MYLK2: variants seen among roughly 807,000 people sequenced by gnomAD.
The protein encoded by MYLK2 is myosin light chain kinase 2, skeletal/cardiac muscle.
Under a neutral mutation model 58.2 loss-of-function variants are expected in MYLK2, and 27 were observed. The ratio of observed to expected loss-of-function variants is 0.46; its 90% CI spans 0.34 to 0.64. The LOEUF (loss-of-function observed/expected upper bound fraction) is 0.64, where lower values mean the gene tolerates loss of function less well. MYLK2 is among the 30% of genes least tolerant of loss of function. The pLI is 0.01. For missense variants in MYLK2, 676 were observed against 764.3 expected (o/e 0.88, Z 1.36); for synonymous variants, 310 against 296.7 (o/e 1.04, Z -0.46).
intron 4 of MYLK2, among the ~76,000 whole-genome samples, chr20:31,821,992 G>T (rs753538930): frequency 2.0e-5 from 3 of 152,210 alleles, no homozygotes; most frequent in Non-Finnish European, 4.4e-5. Flanking sequence ...AGCCTCAAGT[G>T]ATCCTCCCAC....
intron 3 of MYLK2, among the ~76,000 whole-genome samples, chr20:31,820,916 T>C (rs1761933189): frequency 1.3e-5 from 2 of 152,230 alleles, no homozygotes; most frequent in Admixed American, 6.5e-5. Flanking sequence ...GTGTATTTCC[T>C]AGGACATCCA....
At chr20:31,825,916 T>C (rs982870435) in intron 6 of MYLK2, among the ~76,000 whole-genome samples, 2 of 152,192 alleles carry the variant, frequency 1.3e-5, no homozygotes, top group Non-Finnish European at 2.9e-5. Flanking sequence ...TAATGGTGTC[T>C]TAAACTAGGA....
Position 31,820,427 on chromosome 20 carries a change from A to C in MYLK2, c.354A>C (p.Ser118=). The change falls in exon 3 of 13, where the codon TCA becomes TCC. Residue 118 remains serine (S), a synonymous_variant. Transcript: ENST00000375985. ...AGCCCAAGGCTGAGCAGGGAGCCTC[A>C]GGCAGCCAGGATCCTGGAAAGCCCA... ...VKKPKAEQGA[S]GSQDPGKPRV... The C allele has an allele frequency of 1.9e-6, 3 of 1,612,826 alleles. No individual in the cohort carries two copies. In the East Asian group the frequency reaches 6.7e-5, roughly 36 times the overall value.
In MYLK2 at chr20:31,824,371, T is replaced by C. The variant is rs747697105; in HGVS notation, c.972+19T>C. The C allele has an allele frequency of 3.4e-5, 54 of 1,600,684 alleles. No homozygotes were observed. Among genetic ancestry groups the C allele is most frequent in the Non-Finnish European group, 3.9e-5 (46 of 1,172,478 alleles). On this transcript the variant is annotated intron_variant, in intron 6 of 12. Transcript: ENST00000375985. ...AGACAAGGTAGTGAGGTTGCGGGGG[T>C]GGTGGCTGCCCAGGATGGGGAGGGG...
At chr20:31,822,498 T>G (rs1347320151) in intron 4 of MYLK2, among the ~76,000 whole-genome samples, 1 of 152,052 alleles carries the variant, frequency 6.6e-6, no homozygotes, top group Non-Finnish European at 1.5e-5. Context: ...CATTGATGAT[T>G]AGACAAGCAG....
At chr20:31,832,727 G>A (rs1215302542) in intron 12 of MYLK2, among the ~76,000 whole-genome samples, 5 of 152,020 alleles carry the variant, frequency 3.3e-5, no homozygotes, top group Non-Finnish European at 5.9e-5. Context: ...TCCTGACCTC[G>A]TGATCCACCT....
chr20:31,832,031 C>T lies in MYLK2; in HGVS notation c.1605C>T (p.Leu535=), dbSNP rs780842075. The T allele has an allele frequency of 3.2e-5, 52 of 1,607,920 alleles. 1 individual carries two copies. The highest frequency in any genetic ancestry group is 2.0e-4 in the African/African-American group (15 of 74,804). The change falls in exon 12 of 13, where the codon CTC becomes CTT. Residue 535 remains leucine, a synonymous_variant. Transcript: ENST00000375985. ...CCCGGATGAACGCTGCCCAGTGTCT[C>T]GCCCATCCCTGGCTCAACAACCTGG... is the stretch of plus-strand genomic sequence containing the variant. ...QRARMNAAQC[L]AHPWLNNLAE...
At chr20:31,831,978 C>G in intron 11 of MYLK2, 26 bp from the exon 12 acceptor site, 1 of 1,612,262 alleles carries the variant, frequency 6.2e-7, no homozygotes, top group Non-Finnish European at 8.5e-7. Flanking sequence ...ATGCAGCCCA[C>G]CGTCACCATG....
intron 8 of MYLK2, among the ~76,000 whole-genome samples, chr20:31,830,576 G>C (rs552750126): frequency 2.0e-5 from 3 of 152,196 alleles, no homozygotes; most frequent in Non-Finnish European, 4.4e-5. Context: ...TAGATGGAGG[G>C]AAATCTCACC....
intron 5 of MYLK2, 144 bp downstream of exon 5, chr20:31,823,726 A>G: frequency 1.1e-6 from 1 of 935,904 alleles, no homozygotes; most frequent in Non-Finnish European, 1.7e-6. Context: ...TGTGGGACAC[A>G]CACTGTGTGC....
intron 8 of MYLK2, among the ~76,000 whole-genome samples, chr20:31,829,937 T>C (rs746412759): frequency 6.6e-5 from 10 of 152,178 alleles, no homozygotes; most frequent in Non-Finnish European, 1.3e-4. Flanking sequence ...TGTTAGACCC[T>C]GAGGGTGGGA....
At chr20:31,827,077 G>A in intron 8 of MYLK2, 139 bp downstream of exon 8, 1 of 1,500,884 alleles carries the variant, frequency 6.7e-7, no homozygotes, top group Non-Finnish European at 8.9e-7. Context: ...GATTCAGAAA[G>A]GGTTTATGGA....
chr20:31,827,135 G>C, intron 8 of MYLK2, 197 bp downstream of exon 8: 1 of 982,266 alleles, frequency 1.0e-6, no homozygotes, highest in Non-Finnish European at 1.2e-6. Context: ...GAGAGAGAGG[G>C]GGGGAAAAAA....
intron 10 of MYLK2, among the ~76,000 whole-genome samples, 175 bp from the exon 11 acceptor site, chr20:31,831,528 G>A (rs146869167): frequency 6.6e-6 from 1 of 152,062 alleles, no homozygotes; most frequent in African/African-American, 2.4e-5. Context: ...GAGGGGAGAT[G>A]ACTTACCCAA....
chr20:31,830,757 C>A, intron 8 of MYLK2, 62 bp from the exon 9 acceptor site: 1 of 1,563,324 alleles, frequency 6.4e-7, no homozygotes, highest in Non-Finnish European at 8.8e-7. Flanking sequence ...TTGCACGGGC[C>A]TGGTGGGAGA....
At chr20:31,829,713 G>T (rs2062296191) in intron 8 of MYLK2, among the ~76,000 whole-genome samples, 1 of 152,238 alleles carries the variant, frequency 6.6e-6, no homozygotes, top group African/African-American at 2.4e-5. Context: ...AGGGCTTCCG[G>T]TGTTTCAGGA....
At chr20:31,827,988 A>G (rs2062289047) in intron 8 of MYLK2, among the ~76,000 whole-genome samples, 1 of 149,600 alleles carries the variant, frequency 6.7e-6, no homozygotes, top group Non-Finnish European at 1.5e-5. Flanking sequence ...CCTGGGCTCA[A>G]GCAATTCTTT....
chr20:31,827,583 A>C, intron 8 of MYLK2: 1 of 978,138 alleles, frequency 1.0e-6, no homozygotes, highest in Non-Finnish European at 1.2e-6. Flanking sequence ...CAGTGGCGCT[A>C]TCTTGGCTCA....
chr20:31,826,652 C>G lies in MYLK2; in HGVS notation c.1020C>G (p.Arg340=). The change falls in exon 7 of 13, where the codon CGC becomes CGG. Residue 340 remains arginine, a synonymous_variant. Transcript: ENST00000375985. ...AGGTCATGAACCAGCTGAACCACCG[C>G]AATCTGATCCAGCTGTATGCAGCCA... The part of the protein sequence containing the change: ...EIEVMNQLNH[R]NLIQLYAAIE... 1 of 1,614,036 alleles carries G rather than the reference C, an allele frequency of 6.2e-7. No homozygotes were observed. Among genetic ancestry groups the G allele is most frequent in the African/African-American group, 1.3e-5 (1 of 74,982 alleles).
Sources: allele counts gnomAD v4.1 joint callset (sites outside exome capture counted in the v4.1 genomes callset), GRCh38; gene constraint gnomAD v4.1.1; transcripts MANE v1.5; gene names NCBI Gene and HGNC (gene_info 2026-07-23, HGNC 2026-07-21).